The following TRAF2 variants were observed in gnomAD, a reference collection of about 807,000 sequenced individuals.
TRAF2 encodes TNF receptor-associated factor 2.
A neutral mutation model predicts 55.6 loss-of-function variants in TRAF2; 6 were observed. The ratio of observed to expected loss-of-function variants is 0.11; its 90% CI spans 0.06 to 0.21. TRAF2 has a LOEUF of 0.21. TRAF2 is among the 10% of genes least tolerant of loss of function. The probability of loss-of-function intolerance (pLI) is 1.00; values close to 1 mark genes in which losing one functional copy is unlikely to be tolerated. For synonymous variants in TRAF2, 329 were observed against 276.3 expected, an observed-to-expected ratio of 1.19 and a Z score of -1.89; for missense variants, 561 against 684.5, an observed-to-expected ratio of 0.82 and a Z score of 2.01.
chr9:136,900,418 C>T lies in TRAF2; in HGVS notation c.268-4C>T, dbSNP rs374481947. 1.3e-5 allele frequency: 21 copies of T among 1,589,734 alleles called. No homozygotes were observed. In the African/African-American group the frequency reaches 2.1e-4, roughly 16 times the overall value. Reference sequence around the variant, plus strand: ...TTTAACCCGAGGGATATTCCTCTCCCCAGGCCTTCCCAGATAATGCTGCCC... The same window carrying T: ...TTTAACCCGAGGGATATTCCTCTCCTCAGGCCTTCCCAGATAATGCTGCCC... On this transcript the variant is annotated splice_polypyrimidine_tract_variant and splice_region_variant and intron_variant, in intron 3 of 10. Transcript: ENST00000247668.
At chr9:136,894,355 C>CT (rs1849639404) in intron 1 of TRAF2, among the ~76,000 whole-genome samples, 1 of 151,436 alleles carries the variant, frequency 6.6e-6, no homozygotes, top group Non-Finnish European at 1.5e-5. Context: ...GGTAGTGGCC[C>CT]TTTTTCAGGG....
intron 1 of TRAF2, among the ~76,000 whole-genome samples, chr9:136,895,604 C>T (rs928921553): frequency 6.6e-6 from 1 of 152,168 alleles, no homozygotes; most frequent in Non-Finnish European, 1.5e-5. Context: ...CCTGGAATCC[C>T]AGCACATTGG....
chr9:136,902,455 C>A (rs1247482497), intron 4 of TRAF2: 2 of 152,328 alleles, frequency 1.3e-5, no homozygotes, highest in Admixed American at 6.5e-5. Context: ...TCTCTGCCAC[C>A]TCCAGGCTCA....
At chr9:136,887,914 G>T (rs1849490445) in intron 1 of TRAF2, among the ~76,000 whole-genome samples, 1 of 152,098 alleles carries the variant, frequency 6.6e-6, no homozygotes, top group Non-Finnish European at 1.5e-5. Flanking sequence ...TTGTTGCCCA[G>T]GCTGGAGTGC....
rs375372259 is a variant in TRAF2 at position 136,892,467 on chromosome 9, AAAAT to A, written c.-29+5938_-29+5941del. Among the ~76,000 whole-genome samples, 995 of 150,756 alleles carry A rather than the reference AAAAT, an allele frequency of 6.6e-3. 6 individuals carry two copies. The highest frequency in any genetic ancestry group is 0.017 in the African/African-American group (710 of 41,080). On this transcript the variant is annotated intron_variant, in intron 1 of 10. Transcript: ENST00000247668. Reference sequence around the variant, plus strand: ...CGACAGAGCGAGACTCCGTCTCAAAAAAATAAATAAATAAAAAGAATGTGGCTTA... The same window carrying A: ...CGACAGAGCGAGACTCCGTCTCAAAAAAATAAATAAAAAGAATGTGGCTTA...
In TRAF2 at chr9:136,923,891, G is replaced by A; in HGVS notation, c.1178G>A (p.Arg393His). Reference protein sequence around the residue: ...TSRYGYKMCLRIYLNGDGTGR... With the variant: ...TSRYGYKMCLHIYLNGDGTGR... ...AGGTACGGCTACAAGATGTGTCTGC[G>A]TATCTACCTGAACGGCGACGGCACC... Residue 393 changes from arginine to histidine, a missense_variant, in exon 10 of 11, where the codon CGT becomes CAT. This residue lies in a region of TRAF2 where 135 missense variants were observed against 207.7 expected (regional missense o/e 0.65). Transcript: ENST00000247668. 6.2e-7 allele frequency: 1 copy of A among 1,613,850 alleles called. No homozygotes were observed. The highest frequency in any genetic ancestry group is 8.5e-7 in the Non-Finnish European group (1 of 1,179,950).
upstream of TRAF2, chr9:136,882,630 A>G: frequency 2.0e-6 from 2 of 984,468 alleles, no homozygotes; most frequent in Non-Finnish European, 2.4e-6. Flanking sequence ...CCCCTGCTGG[A>G]GGCCTGGGTG....
Position 136,920,413 on chromosome 9 carries a change from C to T in TRAF2, c.858C>T (p.Val286=). 6.2e-7 allele frequency: 1 copy of T among 1,614,126 alleles called. No homozygotes were observed. Among genetic ancestry groups the T allele is most frequent in the Non-Finnish European group, 8.5e-7 (1 of 1,180,038 alleles). ...AGACGGCCACTTTTGAGAACATTGT[C>T]TGCGTCCTGAACCGGGAGGTGGAGA... The part of the protein sequence containing the change: ...EKKTATFENI[V]CVLNREVERV... Residue 286 remains valine (V), a synonymous_variant, in exon 8 of 11, where the codon GTC becomes GTT. Coordinates refer to ENST00000247668, the MANE Select transcript of TRAF2 (RefSeq NM_021138.4).
At chr9:136,890,612 T>C (rs766541546) in intron 1 of TRAF2, 3 of 152,260 alleles carry the variant, frequency 2.0e-5, no homozygotes, top group Non-Finnish European at 2.9e-5. Context: ...AGAAGTGTGC[T>C]AAAATCTTGG....
chr9:136,900,747 C>T (rs771527576), intron 4 of TRAF2: 1 of 545,658 alleles, frequency 1.8e-6, no homozygotes, highest in South Asian at 1.9e-5. Context: ...TGTGTGACCT[C>T]GGGCGAGGTA....
At chr9:136,904,110 A>C (rs1849889820) in intron 4 of TRAF2, among the ~76,000 whole-genome samples, 1 of 152,196 alleles carries the variant, frequency 6.6e-6, no homozygotes, top group African/African-American at 2.4e-5. Flanking sequence ...TCGCCAGCCT[A>C]CTTTCAGCCC....
chr9:136,890,740 T>C (rs1335692293), intron 1 of TRAF2, among the ~76,000 whole-genome samples: 1 of 152,216 alleles, frequency 6.6e-6, no homozygotes. Context: ...GAGTGTAGTG[T>C]GGGCATCAGT....
intron 5 of TRAF2, 70 bp from the exon 6 acceptor site, chr9:136,909,850 C>G: frequency 6.5e-7 from 1 of 1,532,784 alleles, no homozygotes. Flanking sequence ...AGCCTGAGCA[C>G]TGTGTGCCGC....
In TRAF2 at chr9:136,886,793, G is replaced by C. The variant is rs527728769; in HGVS notation, c.-29+252G>C. The C allele has an allele frequency of 2.4e-4, 45 of 184,806 alleles. No individual in the cohort carries two copies. In the Middle Eastern group the frequency reaches 0.013, roughly 55 times the overall value. 11.4% of individuals were successfully genotyped at this position (184,806 alleles called of 1,614,324 possible). A position where few individuals can be genotyped will look rare whatever the true frequency, so the allele number is the denominator to read the frequency against. On this transcript the variant is annotated intron_variant, in intron 1 of 10. Transcript: ENST00000247668. Reference sequence around the variant, plus strand: ...TCGGGAACGCGCGCGGCCGTGCTCGGAGCAGCGCCAGGGCACGGTCCGGGG... The same window carrying C: ...TCGGGAACGCGCGCGGCCGTGCTCGCAGCAGCGCCAGGGCACGGTCCGGGG...
intron 2 of TRAF2, 93 bp downstream of exon 2, chr9:136,899,021 G>A: frequency 7.4e-7 from 1 of 1,347,572 alleles, no homozygotes; most frequent in Non-Finnish European, 1.0e-6. Context: ...AGCAGAGCCG[G>A]GTCCAGCTTA....
chr9:136,904,739 C>G (rs946873691), intron 4 of TRAF2, among the ~76,000 whole-genome samples: 16 of 113,372 alleles, frequency 1.4e-4, no homozygotes, highest in African/African-American at 5.7e-4. Flanking sequence ...AATCTAAGAA[C>G]ATTGACTATT....
rs780421785 is a variant in TRAF2, at chr9:136,926,220, G to C, written c.*319G>C. The stretch of plus-strand genomic sequence containing the variant: ...TGCAGTGAAGGGAGAGGCCCTGGGT[G>C]GGGGACACTCAGAGTGGGAGCACAT... On this transcript the variant is annotated 3_prime_UTR_variant, in exon 11 of 11. Coordinates refer to ENST00000247668, the MANE Select transcript of TRAF2 (RefSeq NM_021138.4). The C allele has an allele frequency of 4.6e-5, 22 of 476,448 alleles. No homozygotes were observed. Among genetic ancestry groups the C allele is most frequent in the Middle Eastern group, 6.0e-4 (1 of 1,662 alleles). The allele number at this position is 476,448 out of a possible 1,614,324, so 29.5% of individuals were successfully genotyped here.
chr9:136,913,156 A>G (rs1056570618), intron 6 of TRAF2, among the ~76,000 whole-genome samples: 1 of 152,018 alleles, frequency 6.6e-6, no homozygotes, highest in Non-Finnish European at 1.5e-5. Context: ...AAAAAACAAT[A>G]AACAAAAACC....
intron 4 of TRAF2, among the ~76,000 whole-genome samples, chr9:136,902,630 C>A (rs1159548848): frequency 6.6e-6 from 1 of 152,152 alleles, no homozygotes; most frequent in Non-Finnish European, 1.5e-5. Context: ...CGGGTTTGGT[C>A]ATGTGGGAGG....
Sources: gnomAD v4.1 joint callset for allele counts (sites outside exome capture counted in the v4.1 genomes callset) on GRCh38, gnomAD v4.1.1 for gene constraint, gnomAD v4.1.1 regional missense constraint, MANE v1.5 for transcripts, NCBI Gene and HGNC (gene_info 2026-07-23, HGNC 2026-07-21) for gene names.